TGFBRAP1: variants seen among roughly 807,000 people sequenced by gnomAD.
The protein encoded by TGFBRAP1 is transforming growth factor-beta receptor-associated protein 1.
A neutral mutation model predicts 83.2 loss-of-function variants in TGFBRAP1; 20 were observed. That is an observed-to-expected ratio of 0.24 (90% CI 0.17 to 0.35). The LOEUF is 0.35. TGFBRAP1 is among the 10% of genes least tolerant of loss of function. The probability of loss-of-function intolerance (pLI) is 1.00; values close to 1 mark genes in which losing one functional copy is unlikely to be tolerated. For missense variants in TGFBRAP1, 950 were observed against 1,099.4 expected (o/e 0.86, Z 1.92); for synonymous variants, 415 against 459.8 (o/e 0.90, Z 1.25).
intron 2 of TGFBRAP1, among the ~76,000 whole-genome samples, chr2:105,302,181 A>G (rs1309729826): frequency 6.6e-6 from 1 of 152,198 alleles, no homozygotes; most frequent in Non-Finnish European, 1.5e-5. Context: ...GCAAAAACAC[A>G]CAAGTTTGGA....
chr2:105,284,208 A>T, intron 5 of TGFBRAP1, 108 bp downstream of exon 5: 1 of 1,047,628 alleles, frequency 9.5e-7, no homozygotes, highest in Non-Finnish European at 1.5e-6. Context: ...CACCTGAAGC[A>T]CAATCTAACC....
At chr2:105,310,643 T>C (rs1678660468) in intron 1 of TGFBRAP1, among the ~76,000 whole-genome samples, 1 of 152,078 alleles carries the variant, frequency 6.6e-6, no homozygotes. Flanking sequence ...CTTGCAGGCT[T>C]CTACAAATAG....
At chr2:105,311,634 C>T (rs1456839307) in intron 1 of TGFBRAP1, among the ~76,000 whole-genome samples, 5 of 151,968 alleles carry the variant, frequency 3.3e-5, no homozygotes, top group Non-Finnish European at 5.9e-5. Flanking sequence ...AGTGGTGGCT[C>T]ACACCTGTAA....
intron 11 of TGFBRAP1, chr2:105,267,823 T>C (rs780070348): frequency 4.8e-4 from 470 of 985,346 alleles, no homozygotes; most frequent in Non-Finnish European, 5.3e-4. Flanking sequence ...CATTTCTACT[T>C]AAGATCCTCT....
rs144071743 is a variant in TGFBRAP1 at position 105,269,692 on chromosome 2, T to G, written c.1986A>C (p.Gly662=). 7.6e-3 allele frequency: 11,790 copies of G among 1,546,164 alleles called. 61 individuals are homozygous for G. The highest frequency in any genetic ancestry group is 9.2e-3 in the Non-Finnish European group (10,559 of 1,143,340). The change falls in exon 11 of 12, where the codon GGA becomes GGC. Residue 662 remains glycine (G), a synonymous_variant. Transcript: ENST00000393359. The surrounding 1 kb of genome is among the most constrained non-coding windows in gnomAD (Gnocchi z 4.1). ...TGGCGCTCTCCATGGGCAGGCCAGC[T>G]CCCTGCAGCCTCTCTGCAAGACAGA... ...RVHFLLERLQ[G]AGLPMESAIL...
intron 1 of TGFBRAP1, chr2:105,327,165 TA>T (rs1035134731): frequency 3.9e-5 from 6 of 152,174 alleles, no homozygotes; most frequent in African/African-American, 1.4e-4. Flanking sequence ...CAAGTTTTCT[TA>T]AAAGATCACA....
At chr2:105,307,443 T>C (rs1241676976) in intron 2 of TGFBRAP1, among the ~76,000 whole-genome samples, 171 bp downstream of exon 2, 1 of 152,128 alleles carries the variant, frequency 6.6e-6, no homozygotes, top group Admixed American at 6.5e-5. Flanking sequence ...CACAGAACAA[T>C]CGAACTGGAT....
intron 6 of TGFBRAP1, among the ~76,000 whole-genome samples, chr2:105,279,283 G>C (rs1677450198): frequency 6.6e-6 from 1 of 152,070 alleles, no homozygotes; most frequent in East Asian, 1.9e-4. Flanking sequence ...TTTTGAGACA[G>C]GGTCTAGCTC....
intron 2 of TGFBRAP1, among the ~76,000 whole-genome samples, chr2:105,300,069 C>A (rs1221722647): frequency 1.3e-5 from 2 of 152,188 alleles, no homozygotes; most frequent in African/African-American, 4.8e-5. Flanking sequence ...TATGTTTCAT[C>A]CACCCCCTTA....
chr2:105,284,526 C>G, intron 4 of TGFBRAP1, 128 bp from the exon 5 acceptor site: 1 of 786,608 alleles, frequency 1.3e-6, no homozygotes, highest in Non-Finnish European at 2.1e-6. Flanking sequence ...GAGGAAAAAA[C>G]AAGGTGCATA....
chr2:105,326,842 TTGAC>T (rs1679238226), intron 1 of TGFBRAP1, among the ~76,000 whole-genome samples: 1 of 152,256 alleles, frequency 6.6e-6, no homozygotes, highest in African/African-American at 2.4e-5. Flanking sequence ...CAGCAGTTAC[TTGAC>T]TATCAAGAAA....
downstream of TGFBRAP1, among the ~76,000 whole-genome samples, chr2:105,262,789 G>T (rs1459838013): frequency 6.6e-6 from 1 of 152,148 alleles, no homozygotes; most frequent in African/African-American, 2.4e-5. Context: ...ATAGCTATTT[G>T]TTTCCCTCCC....
At chr2:105,327,007 G>C (rs1351090877) in intron 1 of TGFBRAP1, among the ~76,000 whole-genome samples, 1 of 152,106 alleles carries the variant, frequency 6.6e-6, no homozygotes, top group Non-Finnish European at 1.5e-5. Flanking sequence ...AGTCAGGTTT[G>C]CTACAGAGAT....
chr2:105,322,911 A>G (rs1418596200), intron 1 of TGFBRAP1, among the ~76,000 whole-genome samples: 1 of 152,144 alleles, frequency 6.6e-6, no homozygotes, highest in African/African-American at 2.4e-5. Flanking sequence ...AGCCTTTGAG[A>G]CGGATGGGGG....
At chr2:105,274,197 AGCT>A (rs1388212195) in intron 8 of TGFBRAP1, among the ~76,000 whole-genome samples, 1 of 152,194 alleles carries the variant, frequency 6.6e-6, no homozygotes, top group Non-Finnish European at 1.5e-5. Context: ...CTGAGATCTG[AGCT>A]TCCAGTCCCT....
chr2:105,313,909 A>G (rs897221170), intron 1 of TGFBRAP1, among the ~76,000 whole-genome samples: 1 of 152,166 alleles, frequency 6.6e-6, no homozygotes, highest in African/African-American at 2.4e-5. Context: ...GGAACAAGAC[A>G]AGAATCTGCC....
chr2:105,257,422 T>C, the TGFBRAP1 span, among the ~76,000 whole-genome samples: 9 of 152,144 alleles, frequency 5.9e-5, no homozygotes, highest in African/African-American at 2.2e-4. Context: ...TTCCCCTTTC[T>C]CCCTTCCCAG....
In TGFBRAP1 at chr2:105,267,407, T is replaced by C. The variant is rs1474349503; in HGVS notation, c.2559A>G (p.Ser853=). Residue 853 remains serine, a synonymous_variant, in exon 12 of 12, where the codon TCA becomes TCG. Transcript: ENST00000393359. ...CAASRHTNPS[S]SSPGTRT Reference sequence around the variant, plus strand: ...TTCAAGTCCGAGTGCCAGGACTGGATGAGCTGGGGTTTGTGTGTCTGCTGG... The same window carrying C: ...TTCAAGTCCGAGTGCCAGGACTGGACGAGCTGGGGTTTGTGTGTCTGCTGG... The C allele has an allele frequency of 1.2e-6, 2 of 1,614,210 alleles. No individual in the cohort carries two copies. The highest frequency in any genetic ancestry group is 1.7e-6 in the Non-Finnish European group (2 of 1,180,040).
Position 105,277,598 on chromosome 2 carries a change from AC to A in TGFBRAP1, c.1521+15del, listed in dbSNP as rs1677392786. The A allele has an allele frequency of 6.2e-7, 1 of 1,613,480 alleles. No individual in the cohort carries two copies. The highest frequency in any genetic ancestry group is 8.5e-7 in the Non-Finnish European group (1 of 1,179,624). On this transcript the variant is annotated intron_variant, in intron 7 of 11. Transcript: ENST00000393359. Reference sequence around the variant, plus strand: ...GTGCTGATTTTTAAATCATGTGGAAACCCTTCTAGACTCACCTGAACTGCAG... The same window carrying A: ...GTGCTGATTTTTAAATCATGTGGAAACCTTCTAGACTCACCTGAACTGCAG...
Sources: gnomAD v4.1 joint callset for allele counts (sites outside exome capture counted in the v4.1 genomes callset) on GRCh38, gnomAD v4.1.1 for gene constraint, Gnocchi (gnomAD v3.1) non-coding constraint, MANE v1.5 for transcripts, NCBI Gene and HGNC (gene_info 2026-07-23, HGNC 2026-07-21) for gene names.